AFG1L: variants seen among roughly 807,000 people sequenced by gnomAD.
AFG1L encodes AFG1 like ATPase, also known as AFG1-like ATPase.
AFG1L carries 53 observed loss-of-function variants against 62.2 expected under a neutral mutation model. The observed-to-expected ratio is 0.85, with a 90% confidence interval of 0.68 to 1.07. AFG1L has a LOEUF of 1.07. AFG1L is among the 50% of genes least tolerant of loss of function. The pLI, the probability that AFG1L is intolerant of heterozygous loss-of-function variation, is 0.00. For synonymous variants in AFG1L, 228 were observed against 210.3 expected (o/e 1.08, Z -0.73); for missense variants, 555 against 590.5 (o/e 0.94, Z 0.62).
chr6:108,510,152 C>G, intron 10 of AFG1L, 60 bp from the exon 11 acceptor site: 1 of 1,375,864 alleles, frequency 7.3e-7, no homozygotes, highest in Non-Finnish European at 9.9e-7. Flanking sequence ...CACTAAACCA[C>G]TCCAAAGGCA....
chr6:108,352,904 A>T (rs1779138302), intron 3 of AFG1L, among the ~76,000 whole-genome samples: 2 of 151,908 alleles, frequency 1.3e-5, no homozygotes, highest in South Asian at 4.2e-4. Context: ...TTTTTGATCC[A>T]CTGTTGGTTG....
chr6:108,487,514 T>G (rs1029257939), intron 10 of AFG1L, among the ~76,000 whole-genome samples: 4 of 152,252 alleles, frequency 2.6e-5, no homozygotes, highest in Non-Finnish European at 5.9e-5. Flanking sequence ...TTTATTTTAT[T>G]TCATTTTATT....
chr6:108,400,950 C>G (rs182295210), intron 6 of AFG1L, among the ~76,000 whole-genome samples: 1 of 146,660 alleles, frequency 6.8e-6, no homozygotes. Context: ...AAAGGCTAAC[C>G]TTATTACTCA....
At chr6:108,517,468 G>A (rs565680772) in intron 11 of AFG1L, among the ~76,000 whole-genome samples, 74 of 152,312 alleles carry the variant, frequency 4.9e-4, no homozygotes, top group African/African-American at 1.6e-3. Flanking sequence ...AGCTGAAACT[G>A]TATCCTTTCC....
intron 2 of AFG1L, among the ~76,000 whole-genome samples, chr6:108,332,755 A>C (rs1016923753): frequency 1.8e-4 from 27 of 152,048 alleles, no homozygotes; most frequent in South Asian, 6.2e-4. Flanking sequence ...CTACATGTGC[A>C]TACCACCATG....
At chr6:108,384,857 A>C (rs1299455169) in intron 6 of AFG1L, among the ~76,000 whole-genome samples, 1 of 152,200 alleles carries the variant, frequency 6.6e-6, no homozygotes, top group Non-Finnish European at 1.5e-5. Flanking sequence ...GGAAAGGTTC[A>C]AATAACTTAA....
chr6:108,405,043 T>G (rs754309639), intron 7 of AFG1L, among the ~76,000 whole-genome samples: 1 of 152,198 alleles, frequency 6.6e-6, no homozygotes, highest in Non-Finnish European at 1.5e-5. Context: ...TTTACAGTAG[T>G]TAAATACTGC....
intron 10 of AFG1L, among the ~76,000 whole-genome samples, chr6:108,485,641 TATATATATATATA>T (rs1358594877): frequency 2.4e-3 from 43 of 18,080 alleles, no homozygotes; most frequent in African/African-American, 0.011. Flanking sequence ...TATATATATA[TATATATATATATA>T]TATTTTTTTT....
At chr6:108,347,382 T>A (rs574332125) in intron 3 of AFG1L, among the ~76,000 whole-genome samples, 60 of 152,312 alleles carry the variant, frequency 3.9e-4, no homozygotes, top group African/African-American at 6.0e-4. Flanking sequence ...TAATACTTTT[T>A]AAAAAAATAA....
chr6:108,421,257 T>C (rs1770576262), intron 7 of AFG1L, among the ~76,000 whole-genome samples: 1 of 152,146 alleles, frequency 6.6e-6, no homozygotes, highest in Non-Finnish European at 1.5e-5. Flanking sequence ...CGCATAAATG[T>C]GTCAAAACTA....
intron 1 of AFG1L, among the ~76,000 whole-genome samples, chr6:108,298,582 G>C (rs1475127167): frequency 6.6e-6 from 1 of 151,858 alleles, no homozygotes; most frequent in Non-Finnish European, 1.5e-5. Context: ...TTTATTTTTA[G>C]CAAAAGTGTG....
intron 2 of AFG1L, among the ~76,000 whole-genome samples, chr6:108,340,780 C>A (rs765372701): frequency 2.6e-5 from 4 of 152,078 alleles, no homozygotes; most frequent in African/African-American, 9.7e-5. Context: ...GAAGAGGAAT[C>A]GTTTTCCTTT....
chr6:108,374,848 T>G (rs756408513), intron 6 of AFG1L, among the ~76,000 whole-genome samples: 8 of 152,188 alleles, frequency 5.3e-5, no homozygotes, highest in Non-Finnish European at 1.0e-4. Flanking sequence ...TTTAGAATAG[T>G]TTTTTCCAAA....
At chr6:108,495,177 A>G (rs1303942407) in intron 10 of AFG1L, among the ~76,000 whole-genome samples, 1 of 152,218 alleles carries the variant, frequency 6.6e-6, no homozygotes, top group Non-Finnish European at 1.5e-5. Context: ...AAAAGGATAC[A>G]TTCATCCTAA....
chr6:108,311,393 T>G (rs1051776797), intron 1 of AFG1L, among the ~76,000 whole-genome samples: 1 of 152,240 alleles, frequency 6.6e-6, no homozygotes, highest in African/African-American at 2.4e-5. Context: ...ATTACTAGCT[T>G]TGGCCCTGTG....
intron 1 of AFG1L, among the ~76,000 whole-genome samples, chr6:108,297,858 C>CAAA (rs774320900): frequency 2.2e-5 from 1 of 45,130 alleles, no homozygotes; most frequent in Non-Finnish European, 4.4e-5. Context: ...GAACCTGTCT[C>CAAA]AAAAAAAAAA....
intron 1 of AFG1L, among the ~76,000 whole-genome samples, chr6:108,322,567 T>A (rs1777858100): frequency 6.6e-6 from 1 of 152,198 alleles, no homozygotes; most frequent in Admixed American, 6.5e-5. Flanking sequence ...CTAAAACTTC[T>A]ATTTAGAAAG....
intron 7 of AFG1L, among the ~76,000 whole-genome samples, chr6:108,435,380 C>T (rs1222875814): frequency 1.3e-5 from 2 of 152,118 alleles, no homozygotes; most frequent in Non-Finnish European, 2.9e-5. Context: ...CAAGGTAGCA[C>T]CTGAGTGTTT....
chr6:108,509,403 T>A (rs1212420817), intron 10 of AFG1L, among the ~76,000 whole-genome samples: 1 of 152,214 alleles, frequency 6.6e-6, no homozygotes, highest in African/African-American at 2.4e-5. Flanking sequence ...TACCTTAAAT[T>A]AAACTAAAAA....
Sources: allele counts gnomAD v4.1 joint callset (sites outside exome capture counted in the v4.1 genomes callset), GRCh38; gene constraint gnomAD v4.1.1; transcripts MANE v1.5; gene names NCBI Gene and HGNC (gene_info 2026-07-23, HGNC 2026-07-21).